The following ADD2 variants were observed in gnomAD, a reference collection of about 807,000 sequenced individuals.
ADD2 encodes the protein adducin 2.
In ADD2, 23 loss-of-function variants were observed where a neutral mutation model predicts 83.0. The observed-to-expected ratio is 0.28, with a 90% CI of 0.20 to 0.39. ADD2 has a LOEUF of 0.39. Ranked by LOEUF, ADD2 falls within the 10% of genes least tolerant of loss-of-function variation. The pLI is 1.00. For missense variants in ADD2, 758 were observed against 944.9 expected, an observed-to-expected ratio of 0.80 and a Z score of 2.59; for synonymous variants, 375 against 375.4, an observed-to-expected ratio of 1.00 and a Z score of 0.01.
chr2:70,720,762 C>T (rs192630938), intron 1 of ADD2, among the ~76,000 whole-genome samples: 70 of 152,290 alleles, frequency 4.6e-4, no homozygotes, highest in African/African-American at 6.5e-4. Flanking sequence ...TCTTCCTGGG[C>T]GCCCATGTTT....
chr2:70,728,980 G>A (rs905974838), intron 1 of ADD2, among the ~76,000 whole-genome samples: 6 of 152,230 alleles, frequency 3.9e-5, no homozygotes, highest in Admixed American at 1.3e-4. Context: ...TCAAAGATAC[G>A]CTGAGCTTCC....
rs191785724 is a variant in ADD2 at position 70,715,142 on chromosome 2, T to C, written c.-153-1958A>G. On this transcript the variant is annotated intron_variant, in intron 1 of 15. Coordinates refer to ENST00000264436, the MANE Select transcript of ADD2 (RefSeq NM_001617.4). ...GGCAATGAAACTGTCAAATCTCTGATTGGGGAGTTGGGCTGAGCAGGCAGG... is the reference window on the plus strand; with the variant it reads ...GGCAATGAAACTGTCAAATCTCTGACTGGGGAGTTGGGCTGAGCAGGCAGG... 1.5e-3 allele frequency among the ~76,000 whole-genome samples: 224 copies of C among 152,140 alleles called. 1 individual carries two copies. The highest frequency in any genetic ancestry group is 4.9e-3 in the African/African-American group (202 of 41,502).
intron 7 of ADD2, 34 bp downstream of exon 7, chr2:70,692,369 C>T (rs1553371812): frequency 6.6e-7 from 1 of 1,504,982 alleles, no homozygotes. Context: ...AGCCTTACGT[C>T]TTTCCTTGGG....
At chr2:70,666,448 C>A (rs868950438) in intron 15 of ADD2, among the ~76,000 whole-genome samples, 3 of 152,180 alleles carry the variant, frequency 2.0e-5, no homozygotes, top group Non-Finnish European at 2.9e-5. Flanking sequence ...CCTGGGCTCT[C>A]CAGGGCTCTG....
intron 1 of ADD2, among the ~76,000 whole-genome samples, chr2:70,720,629 T>G (rs1490611753): frequency 1.3e-5 from 2 of 152,206 alleles, no homozygotes; most frequent in Non-Finnish European, 2.9e-5. Context: ...TATTTCCCAT[T>G]TCACTTATTG....
chr2:70,687,343 G>A (rs1670789183), intron 9 of ADD2: 2 of 152,736 alleles, frequency 1.3e-5, no homozygotes, highest in African/African-American at 4.8e-5. Context: ...CCACCTTGTT[G>A]TCTATACAAC....
chr2:70,678,750 G>A lies in ADD2; in HGVS notation c.1337C>T (p.Ala446Val). 6.2e-7 allele frequency: 1 copy of A among 1,604,560 alleles called. No individual in the cohort carries two copies. Among genetic ancestry groups the A allele is most frequent in the Non-Finnish European group, 8.5e-7 (1 of 1,174,710 alleles). ...TPNTYLRVNV[A>V]DEVQRSMGSP... ...GCCCATGCTCCTCTGGACCTCATCGGCCACATTGACCCGCAGGTAGGTGTT... is the reference window on the plus strand; with the variant it reads ...GCCCATGCTCCTCTGGACCTCATCGACCACATTGACCCGCAGGTAGGTGTT... Residue 446 changes from alanine (A) to valine (V), a missense_variant, in exon 11 of 16, where the codon GCC becomes GTC. Physicochemically the swap from Ala to Val is moderately conservative, Grantham distance 64. Transcript: ENST00000264436.
intron 2 of ADD2, among the ~76,000 whole-genome samples, chr2:70,710,026 C>T (rs868981984): frequency 1.3e-4 from 20 of 152,328 alleles, no homozygotes; most frequent in Admixed American, 2.6e-4. Context: ...GACATCACCT[C>T]ATCGAACCCC....
intron 1 of ADD2, among the ~76,000 whole-genome samples, chr2:70,716,465 C>G (rs1553376365): frequency 1.3e-5 from 2 of 152,154 alleles, no homozygotes. Flanking sequence ...CTGCCCCCTA[C>G]ACCCCCGCCC....
At chr2:70,729,502 T>G (rs1261953642) in intron 1 of ADD2, among the ~76,000 whole-genome samples, 1 of 152,148 alleles carries the variant, frequency 6.6e-6, no homozygotes, top group Non-Finnish European at 1.5e-5. Context: ...CACCCCTTCA[T>G]TGAACTTATG....
At chr2:70,704,277 T>TC in intron 4 of ADD2, 44 bp downstream of exon 4, 1 of 496,196 alleles carries the variant, frequency 2.0e-6, no homozygotes. Context: ...CACCCCACCC[T>TC]CCCCTCCACC....
intron 1 of ADD2, among the ~76,000 whole-genome samples, chr2:70,738,230 A>G (rs1673688903): frequency 6.6e-6 from 1 of 152,200 alleles, no homozygotes; most frequent in African/African-American, 2.4e-5. Context: ...CTGTCTGGCT[A>G]GTGATCCATG....
intron 1 of ADD2, among the ~76,000 whole-genome samples, chr2:70,748,909 A>G (rs782683457): frequency 2.0e-5 from 3 of 152,216 alleles, no homozygotes; most frequent in Non-Finnish European, 2.9e-5. Flanking sequence ...ATTGAGCTAT[A>G]TAAGTATGGG....
At chr2:70,695,938 G>T in intron 5 of ADD2, 137 bp from the exon 6 acceptor site, 2 of 750,896 alleles carry the variant, frequency 2.7e-6, no homozygotes, top group Non-Finnish European at 4.3e-6. Flanking sequence ...CTCCCCCCCA[G>T]CCATAAGAGA....
intron 1 of ADD2, among the ~76,000 whole-genome samples, chr2:70,715,091 G>T (rs1326736595): frequency 1.3e-5 from 2 of 152,164 alleles, no homozygotes; most frequent in African/African-American, 4.8e-5. Flanking sequence ...TGAGGCAATT[G>T]TATTAGCTAG....
chr2:70,735,711 G>A (rs1298607086), intron 1 of ADD2, among the ~76,000 whole-genome samples: 3 of 147,070 alleles, frequency 2.0e-5, no homozygotes, highest in South Asian at 2.1e-4. Flanking sequence ...CTATTCCCCC[G>A]CTTTTTTTTT....
At chr2:70,746,708 A>G (rs545646938) in intron 1 of ADD2, among the ~76,000 whole-genome samples, 2 of 152,272 alleles carry the variant, frequency 1.3e-5, no homozygotes, top group African/African-American at 4.8e-5. Flanking sequence ...GTGTAGCCCT[A>G]GGATACTCAC....
chr2:70,734,267 C>T (rs1457703843), intron 1 of ADD2, among the ~76,000 whole-genome samples: 2 of 152,070 alleles, frequency 1.3e-5, no homozygotes, highest in East Asian at 3.9e-4. Flanking sequence ...AGTGATTGAC[C>T]CATCTTATAT....
intron 10 of ADD2, among the ~76,000 whole-genome samples, chr2:70,681,767 C>T (rs1263941835): frequency 6.6e-6 from 1 of 151,652 alleles, no homozygotes; most frequent in Non-Finnish European, 1.5e-5. Flanking sequence ...TCTTATGCTT[C>T]ATTGCCTTGG....
Sources: gnomAD v4.1 joint callset for allele counts (sites outside exome capture counted in the v4.1 genomes callset) on GRCh38, gnomAD v4.1.1 for gene constraint, MANE v1.5 for transcripts, NCBI Gene and HGNC (gene_info 2026-07-23, HGNC 2026-07-21) for gene names.